The following DPP10 variants were observed in gnomAD, a reference collection of about 807,000 sequenced individuals.
DPP10 encodes inactive dipeptidyl peptidase 10.
Under a neutral mutation model 120.9 loss-of-function variants are expected in DPP10, and 33 were observed. That is an observed-to-expected ratio of 0.27 (90% CI 0.21 to 0.37). The LOEUF (loss-of-function observed/expected upper bound fraction) is 0.37, where lower values mean the gene tolerates loss of function less well. DPP10 is among the 10% of genes least tolerant of loss of function. The pLI, the probability that DPP10 is intolerant of heterozygous loss-of-function variation, is 1.00. For synonymous variants in DPP10, 337 were observed against 326.1 expected (o/e 1.03, Z -0.36); for missense variants, 816 against 942.8 (o/e 0.87, Z 1.76).
At position 114,562,322 on chromosome 2, in the gene DPP10, A is replaced by G. The variant is rs189963477; in HGVS notation, c.60+119484A>G. 7.9e-5 allele frequency among the ~76,000 whole-genome samples: 12 copies of G among 152,348 alleles called. No individual in the cohort carries two copies. In the East Asian group the frequency reaches 2.3e-3, roughly 29 times the overall value. On this transcript the variant is annotated intron_variant, in intron 1 of 25. Transcript: ENST00000410059. ...TTCATTTCCAGTCTATTCTGAAAGT[A>G]TCTTCCTCCCACCACTAGGCTTTAG...
intron 1 of DPP10, among the ~76,000 whole-genome samples, chr2:114,919,801 A>AT (rs1695067207): frequency 6.6e-6 from 1 of 152,148 alleles, no homozygotes; most frequent in African/African-American, 2.4e-5. Flanking sequence ...TTGCATTCTG[A>AT]TGATGTTTTG....
intron 1 of DPP10, among the ~76,000 whole-genome samples, chr2:114,886,738 G>C (rs1315863493): frequency 1.3e-5 from 2 of 152,170 alleles, no homozygotes; most frequent in Non-Finnish European, 2.9e-5. Flanking sequence ...GAAGAGTCTT[G>C]TAATAGTTTT....
At chr2:114,582,874 C>T (rs1037378777) in intron 1 of DPP10, among the ~76,000 whole-genome samples, 6 of 152,108 alleles carry the variant, frequency 3.9e-5, no homozygotes, top group African/African-American at 1.4e-4. Flanking sequence ...ATCTATAGAG[C>T]TTTCAAATAA....
intron 1 of DPP10, among the ~76,000 whole-genome samples, chr2:114,942,392 C>CACACACACATATATATATAT (rs1697022713): frequency 7.4e-5 from 2 of 27,154 alleles, no homozygotes; most frequent in African/African-American, 2.8e-4. Context: ...TATATATATA[C>CACACACACATATATATATAT]ACACACACAC....
chr2:115,308,955 G>T (rs187801206), intron 1 of DPP10, among the ~76,000 whole-genome samples: 1 of 151,994 alleles, frequency 6.6e-6, no homozygotes, highest in Non-Finnish European at 1.5e-5. Context: ...GAGTATTTTG[G>T]CTATCATCCT....
intron 19 of DPP10, among the ~76,000 whole-genome samples, chr2:115,796,179 T>TA (rs1684507826): frequency 6.6e-6 from 1 of 152,086 alleles, no homozygotes; most frequent in Non-Finnish European, 1.5e-5. Flanking sequence ...CACCACCACT[T>TA]CAATCATCAC....
intron 1 of DPP10, among the ~76,000 whole-genome samples, chr2:114,824,754 A>G (rs967657910): frequency 1.3e-5 from 2 of 152,228 alleles, no homozygotes; most frequent in Non-Finnish European, 2.9e-5. Flanking sequence ...TTATTGTGTT[A>G]GAAACTTTGT....
At chr2:114,985,744 T>C (rs180748334) in intron 1 of DPP10, among the ~76,000 whole-genome samples, 1 of 152,314 alleles carries the variant, frequency 6.6e-6, no homozygotes, top group East Asian at 1.9e-4. Flanking sequence ...TGATGAAACA[T>C]AGTAAAAGAT....
At chr2:115,769,120 C>T (rs1249056024) in intron 13 of DPP10, among the ~76,000 whole-genome samples, 2 of 151,952 alleles carry the variant, frequency 1.3e-5, no homozygotes, top group African/African-American at 4.8e-5. Flanking sequence ...AGCAAGCATA[C>T]ATGAGAAAAT....
At chr2:115,233,158 T>C (rs575313679) in intron 1 of DPP10, among the ~76,000 whole-genome samples, 2 of 152,130 alleles carry the variant, frequency 1.3e-5, no homozygotes, top group African/African-American at 4.8e-5. Context: ...TTATATAAAA[T>C]AGAATGATCT....
At chr2:114,966,601 A>G (rs1699050140) in intron 1 of DPP10, among the ~76,000 whole-genome samples, 1 of 152,226 alleles carries the variant, frequency 6.6e-6, no homozygotes, top group Non-Finnish European at 1.5e-5. Flanking sequence ...TTTTCTTCAC[A>G]GACAGCCCAG....
intron 3 of DPP10, among the ~76,000 whole-genome samples, chr2:115,438,250 G>A (rs757926982): frequency 6.6e-6 from 1 of 152,060 alleles, no homozygotes; most frequent in Non-Finnish European, 1.5e-5. Context: ...AAAATAACAA[G>A]TGTTAACAAG....
At chr2:115,644,983 G>A (rs2087112665) in intron 5 of DPP10, among the ~76,000 whole-genome samples, 1 of 152,022 alleles carries the variant, frequency 6.6e-6, no homozygotes, top group African/African-American at 2.4e-5. Flanking sequence ...GTAAGTCAGA[G>A]GAAAACTGAT....
At chr2:115,151,184 A>G (rs2051524423) in intron 1 of DPP10, among the ~76,000 whole-genome samples, 1 of 151,932 alleles carries the variant, frequency 6.6e-6, no homozygotes, top group South Asian at 2.1e-4. Context: ...ATGTTACTTC[A>G]TTTTTTTCTC....
In DPP10 at chr2:115,644,389, A is replaced by G. The variant is rs547017683; in HGVS notation, c.442-45298A>G. 1.5e-3 allele frequency among the ~76,000 whole-genome samples: 230 copies of G among 151,804 alleles called. 1 individual carries two copies. Among genetic ancestry groups the G allele is most frequent in the African/African-American group, 5.4e-3 (222 of 41,386 alleles). ...CAAGTGTTCTCATTGTTCAATTCCCACCTATGAGTGAGAACATGCGGTGTT... is the reference window on the plus strand; with the variant it reads ...CAAGTGTTCTCATTGTTCAATTCCCGCCTATGAGTGAGAACATGCGGTGTT... On this transcript the variant is annotated intron_variant, in intron 5 of 25. Transcript: ENST00000410059.
chr2:114,837,353 C>T (rs1687823152), intron 1 of DPP10, among the ~76,000 whole-genome samples: 1 of 152,154 alleles, frequency 6.6e-6, no homozygotes, highest in Non-Finnish European at 1.5e-5. Flanking sequence ...CCCTGACTTC[C>T]CGCAACAGCT....
intron 1 of DPP10, among the ~76,000 whole-genome samples, chr2:115,249,205 T>C (rs1400130366): frequency 6.6e-6 from 1 of 152,160 alleles, no homozygotes; most frequent in African/African-American, 2.4e-5. Context: ...TCTATTTAAT[T>C]AATGTCCTGA....
intron 1 of DPP10, among the ~76,000 whole-genome samples, chr2:115,209,637 T>C (rs2056377645): frequency 6.6e-6 from 1 of 152,190 alleles, no homozygotes; most frequent in African/African-American, 2.4e-5. Context: ...TTCTTCTCTT[T>C]ATCTCCTGAG....
chr2:114,800,155 T>G (rs1280589354), intron 1 of DPP10, among the ~76,000 whole-genome samples: 1 of 152,172 alleles, frequency 6.6e-6, no homozygotes, highest in Non-Finnish European at 1.5e-5. Context: ...TAAATGGAAT[T>G]ATTGAAACAA....
Sources: gnomAD v4.1 joint callset for allele counts (sites outside exome capture counted in the v4.1 genomes callset) on GRCh38, gnomAD v4.1.1 for gene constraint, MANE v1.5 for transcripts, NCBI Gene and HGNC (gene_info 2026-07-23, HGNC 2026-07-21) for gene names.